The following PDE10A variants were observed in gnomAD, a reference collection of about 807,000 sequenced individuals.
PDE10A encodes the protein phosphodiesterase 10A.
PDE10A carries 39 observed loss-of-function variants against 97.7 expected under a neutral mutation model. The ratio of observed to expected loss-of-function variants is 0.40; its 90% confidence interval spans 0.31 to 0.52. PDE10A has a LOEUF of 0.52. PDE10A is among the 20% of genes least tolerant of loss of function. PDE10A has a pLI of 0.56. For missense variants in PDE10A, 731 were observed against 1,047.8 expected, an observed-to-expected ratio of 0.70 and a Z score of 4.17; for synonymous variants, 371 against 376.8, an observed-to-expected ratio of 0.98 and a Z score of 0.18.
intron 12 of PDE10A, 114 bp from the exon 13 acceptor site, chr6:165,413,801 G>A (rs2128227888): frequency 1.4e-6 from 1 of 732,160 alleles, no homozygotes; most frequent in Non-Finnish European, 2.2e-6. Flanking sequence ...TGCTTCTATT[G>A]CATATGACTA....
intron 1 of PDE10A, among the ~76,000 whole-genome samples, chr6:165,875,380 C>T (rs528222599): frequency 4.6e-5 from 7 of 152,328 alleles, no homozygotes; most frequent in African/African-American, 9.6e-5. Context: ...TTCTGCTAGA[C>T]CAACCCTTGG....
intron 1 of PDE10A, among the ~76,000 whole-genome samples, chr6:165,887,686 G>T (rs1368041967): frequency 1.3e-5 from 2 of 152,094 alleles, no homozygotes; most frequent in Non-Finnish European, 2.9e-5. Flanking sequence ...AAATCATGTT[G>T]GTTCTACCTT....
chr6:165,715,907 C>G (rs1000053968), intron 1 of PDE10A, among the ~76,000 whole-genome samples: 2 of 152,248 alleles, frequency 1.3e-5, no homozygotes, highest in Admixed American at 6.5e-5. Context: ...TCCTACCAGA[C>G]AGTCAGGTCT....
At chr6:165,727,140 G>A (rs186619699) in intron 1 of PDE10A, among the ~76,000 whole-genome samples, 2 of 152,338 alleles carry the variant, frequency 1.3e-5, no homozygotes, top group East Asian at 1.9e-4. Context: ...CCACACAGGA[G>A]ACCCTGCCAT....
chr6:165,723,284 A>G (rs779822304), intron 1 of PDE10A, among the ~76,000 whole-genome samples: 1 of 152,180 alleles, frequency 6.6e-6, no homozygotes. Context: ...GCTCTCGACA[A>G]TTTCTGGTGA....
intron 1 of PDE10A, among the ~76,000 whole-genome samples, chr6:165,913,882 C>G (rs1260200547): frequency 1.3e-5 from 2 of 152,216 alleles, no homozygotes; most frequent in Admixed American, 1.3e-4. Context: ...ATGGTTCTTG[C>G]AGTTTCGCAA....
chr6:165,854,865 C>CA (rs972361247), intron 1 of PDE10A, among the ~76,000 whole-genome samples: 1 of 152,152 alleles, frequency 6.6e-6, no homozygotes, highest in Non-Finnish European at 1.5e-5. Flanking sequence ...GGGTCAGGCA[C>CA]AAAATCGCAG....
chr6:165,808,681 C>T (rs544379675), intron 1 of PDE10A, among the ~76,000 whole-genome samples: 37 of 152,288 alleles, frequency 2.4e-4, no homozygotes, highest in Admixed American at 1.0e-3. Flanking sequence ...ACTCAAACTC[C>T]CTGGCAGAGC....
chr6:165,629,683 G>A (rs375649974), intron 1 of PDE10A, among the ~76,000 whole-genome samples: 35 of 152,068 alleles, frequency 2.3e-4, no homozygotes, highest in African/African-American at 7.5e-4. Context: ...ACAAGTGCAC[G>A]CCACCACACC....
rs887939305 is a variant in PDE10A at position 165,368,848 on chromosome 6, C to T, written c.2783+10346G>A. ...ACCCCCAAGTAGGGGCAGACCGACACCTCACACGGCCCGGTACTCCTCTGA... is the reference window on the plus strand; with the variant it reads ...ACCCCCAAGTAGGGGCAGACCGACATCTCACACGGCCCGGTACTCCTCTGA... On this transcript the variant is annotated intron_variant, in intron 18 of 21. Transcript: ENST00000539869. Among the ~76,000 whole-genome samples the T allele has an allele frequency of 5.3e-5, 8 of 152,198 alleles. 1 individual carries two copies. Among genetic ancestry groups the T allele is most frequent in the Non-Finnish European group, 7.3e-5 (5 of 68,038 alleles).
chr6:165,650,961 C>T (rs1373821243), intron 1 of PDE10A, among the ~76,000 whole-genome samples: 1 of 152,174 alleles, frequency 6.6e-6, no homozygotes, highest in Non-Finnish European at 1.5e-5. Context: ...TGGTCTTGAG[C>T]TCTTGACCTC....
chr6:165,723,283 A>G (rs916220658), intron 1 of PDE10A, among the ~76,000 whole-genome samples: 3 of 152,168 alleles, frequency 2.0e-5, no homozygotes, highest in Non-Finnish European at 4.4e-5. Context: ...TGCTCTCGAC[A>G]ATTTCTGGTG....
chr6:165,509,740 T>C (rs1461708375), intron 2 of PDE10A, among the ~76,000 whole-genome samples: 2 of 151,964 alleles, frequency 1.3e-5, no homozygotes, highest in Non-Finnish European at 2.9e-5. Flanking sequence ...CTCTATCCTT[T>C]TCAATTTCTT....
chr6:165,801,236 T>C (rs1489521355), intron 1 of PDE10A, among the ~76,000 whole-genome samples: 1 of 152,244 alleles, frequency 6.6e-6, no homozygotes, highest in Non-Finnish European at 1.5e-5. Flanking sequence ...TAGTTCACTT[T>C]GCCTTGGCTT....
intron 1 of PDE10A, among the ~76,000 whole-genome samples, chr6:165,795,360 G>A (rs992306510): frequency 1.3e-5 from 2 of 151,990 alleles, no homozygotes; most frequent in African/African-American, 4.8e-5. Context: ...CTCATCCACC[G>A]TCGTGGTGCC....
chr6:165,556,480 T>C (rs984196524), intron 1 of PDE10A, among the ~76,000 whole-genome samples: 4 of 152,208 alleles, frequency 2.6e-5, no homozygotes, highest in Admixed American at 2.0e-4. Context: ...TGAGATGTGC[T>C]AGCTAATTTG....
intron 1 of PDE10A, among the ~76,000 whole-genome samples, chr6:165,619,679 CTAGTG>C (rs1305084931): frequency 7.5e-5 from 9 of 119,474 alleles, no homozygotes; most frequent in Non-Finnish European, 1.2e-4. Context: ...GTAGTGTAGT[CTAGTG>C]TAGTGTAGTG....
intron 1 of PDE10A, among the ~76,000 whole-genome samples, chr6:165,915,766 T>C (rs1319739883): frequency 6.6e-6 from 1 of 152,266 alleles, no homozygotes; most frequent in Non-Finnish European, 1.5e-5. Context: ...TACAAAATCA[T>C]GGCCATGTAT....
At chr6:165,361,523 A>G (rs1783424613) in intron 18 of PDE10A, among the ~76,000 whole-genome samples, 1 of 152,250 alleles carries the variant, frequency 6.6e-6, no homozygotes, top group African/African-American at 2.4e-5. Flanking sequence ...ATATAGAAAT[A>G]GTGTTCTTCC....
Sources: gnomAD v4.1 joint callset for allele counts (sites outside exome capture counted in the v4.1 genomes callset) on GRCh38, gnomAD v4.1.1 for gene constraint, MANE v1.5 for transcripts, NCBI Gene and HGNC (gene_info 2026-07-23, HGNC 2026-07-21) for gene names.